VCAN: variants seen among roughly 807,000 people sequenced by gnomAD.
VCAN encodes versican.
A neutral mutation model predicts 245.5 loss-of-function variants in VCAN; 44 were observed. The observed-to-expected ratio is 0.18, with a 90% CI of 0.14 to 0.23. The LOEUF (loss-of-function observed/expected upper bound fraction) is 0.23, where lower values mean the gene tolerates loss of function less well. Ranked by LOEUF, VCAN falls within the 10% of genes least tolerant of loss-of-function variation. The pLI, the probability that VCAN is intolerant of heterozygous loss-of-function variation, is 1.00. For missense variants in VCAN, 3,793 were observed against 4,057.9 expected (o/e 0.93, Z 1.77); for synonymous variants, 1,413 against 1,437.0 (o/e 0.98, Z 0.38).
At chr5:83,545,504 T>G in intron 8 of VCAN, 33 bp from the exon 9 acceptor site, 1 of 1,577,290 alleles carries the variant, frequency 6.3e-7, no homozygotes, top group Non-Finnish European at 8.7e-7. Context: ...GAGACGAGCC[T>G]AACTGCTTTT....
intron 6 of VCAN, among the ~76,000 whole-genome samples, chr5:83,515,717 A>G (rs1745821199): frequency 1.3e-5 from 2 of 152,198 alleles, no homozygotes; most frequent in Non-Finnish European, 2.9e-5. Context: ...GGCTAAATTA[A>G]TTCCCACCAC....
chr5:83,573,344 C>T (rs898546338), intron 13 of VCAN, among the ~76,000 whole-genome samples: 21 of 151,916 alleles, frequency 1.4e-4, no homozygotes, highest in African/African-American at 3.6e-4. Context: ...TCAGATTTGT[C>T]GGTGGTTTGA....
rs887268097 is a variant in VCAN, at chr5:83,581,562, T to C, written c.*1128T>C. On this transcript the variant is annotated 3_prime_UTR_variant, in exon 15 of 15. Coordinates refer to ENST00000265077, the MANE Select transcript of VCAN (RefSeq NM_004385.5). Reference sequence around the variant, plus strand: ...TCACACAATTTGGAATCATATAATATAGGTACTTTGTCCCTGATTAAATAA... The same window carrying C: ...TCACACAATTTGGAATCATATAATACAGGTACTTTGTCCCTGATTAAATAA... 6.6e-6 allele frequency: 1 copy of C among 152,200 alleles called. No homozygotes were observed. Among genetic ancestry groups the C allele is most frequent in the African/African-American group, 2.4e-5 (1 of 41,462 alleles). 9.4% of individuals were successfully genotyped at this position (152,200 alleles called of 1,614,324 possible).
At chr5:83,527,124 G>A (rs1049988144) in intron 7 of VCAN, among the ~76,000 whole-genome samples, 1 of 152,166 alleles carries the variant, frequency 6.6e-6, no homozygotes, top group African/African-American at 2.4e-5. Context: ...AGCAAACTCT[G>A]GGAAGACTGG....
rs1187683737 is a variant in VCAN at position 83,521,849 on chromosome 5, C to T, written c.3543C>T (p.Gly1181=). ...EKTSLEDIDL[G]SGLFEKPKAT... ...CATCCCTAGAGGATATTGATTTAGG[C>T]TCAGGATTATTTGAAAAGCCCAAAG... Residue 1181 remains glycine (G), a synonymous_variant, in exon 7 of 15, where the codon GGC becomes GGT. Coordinates refer to ENST00000265077, the MANE Select transcript of VCAN (RefSeq NM_004385.5). 3.1e-6 allele frequency: 5 copies of T among 1,614,024 alleles called. No homozygotes were observed. In the African/African-American group the frequency reaches 6.7e-5, roughly 22 times the overall value.
intron 7 of VCAN, among the ~76,000 whole-genome samples, chr5:83,532,361 T>C (rs1388807277): frequency 6.6e-6 from 1 of 152,026 alleles, no homozygotes; most frequent in Non-Finnish European, 1.5e-5. Flanking sequence ...ATTTGGGTGA[T>C]AGGGCAGGGA....
chr5:83,493,097 T>C (rs1423839467), intron 3 of VCAN, among the ~76,000 whole-genome samples: 2 of 152,234 alleles, frequency 1.3e-5, no homozygotes, highest in African/African-American at 4.8e-5. Flanking sequence ...TGAATATTTT[T>C]ATGAGACAGG....
chr5:83,479,346 C>G (rs745467874), intron 1 of VCAN, among the ~76,000 whole-genome samples: 11 of 152,080 alleles, frequency 7.2e-5, no homozygotes, highest in Non-Finnish European at 4.4e-5. Flanking sequence ...TTGGCTTTCT[C>G]TCGGAGGCTG....
intron 7 of VCAN, among the ~76,000 whole-genome samples, chr5:83,526,943 A>T (rs1746322776): frequency 6.6e-6 from 1 of 152,224 alleles, no homozygotes; most frequent in Non-Finnish European, 1.5e-5. Context: ...GAAAGCAGAT[A>T]GTCAAACGAA....
chr5:83,475,719 A>G (rs777041030), intron 1 of VCAN, among the ~76,000 whole-genome samples: 2 of 152,206 alleles, frequency 1.3e-5, no homozygotes, highest in Non-Finnish European at 2.9e-5. Context: ...AAGGGTTCCA[A>G]TGGATTCCAA....
At position 83,581,337 on chromosome 5, in the gene VCAN, AAAAAAG is replaced by A. The variant is rs1748671297; in HGVS notation, c.*907_*912del. On this transcript the variant is annotated 3_prime_UTR_variant, in exon 15 of 15. Transcript: ENST00000265077. Reference sequence around the variant, plus strand: ...ACATGCAAAAAAAAAAAAAAAAAAAAAAAAAGAAATTTTGTATATATAACCATTTTA... The same window carrying A: ...ACATGCAAAAAAAAAAAAAAAAAAAAAAATTTTGTATATATAACCATTTTA... 6.7e-6 allele frequency: 1 copy of A among 148,710 alleles called. No individual in the cohort carries two copies. The allele number at this position is 148,710 out of a possible 1,614,324, so 9.2% of individuals were successfully genotyped here. A position where few individuals can be genotyped will look rare whatever the true frequency, so the allele number is the denominator to read the frequency against.
At chr5:83,527,155 G>A (rs1246988561) in intron 7 of VCAN, among the ~76,000 whole-genome samples, 1 of 152,170 alleles carries the variant, frequency 6.6e-6, no homozygotes, top group Admixed American at 6.5e-5. Flanking sequence ...GCATTCTAGT[G>A]GTTTGTTAAG....
At chr5:83,545,483 C>G in intron 8 of VCAN, 54 bp from the exon 9 acceptor site, 2 of 1,472,568 alleles carry the variant, frequency 1.4e-6, no homozygotes, top group South Asian at 1.1e-5. Context: ...CTAAAATACA[C>G]GCAAACATTA....
Position 83,545,781 on chromosome 5 carries a change from T to TA in VCAN, c.9379+135dup, listed in dbSNP as rs1485338000. 5 of 802,230 alleles carry TA rather than the reference T, an allele frequency of 6.2e-6. No homozygotes were observed. In the Admixed American group the frequency reaches 1.0e-4, roughly 16 times the overall value. The allele number at this position is 802,230 out of a possible 1,614,324, so 49.7% of individuals were successfully genotyped here. ...AGATTAATTATATGTTAAATGAAGT[T>TA]AAAATCTGAGGGTAATTAACTAGGG... On this transcript the variant is annotated intron_variant, in intron 9 of 14. Coordinates refer to ENST00000265077, the MANE Select transcript of VCAN (RefSeq NM_004385.5).
chr5:83,492,822 T>C (rs1170559916), intron 3 of VCAN, among the ~76,000 whole-genome samples: 1 of 152,240 alleles, frequency 6.6e-6, no homozygotes, highest in African/African-American at 2.4e-5. Flanking sequence ...AACATTTGAA[T>C]GGTACATGGT....
At position 83,519,449 on chromosome 5, in the gene VCAN, C is replaced by T. The variant is rs1287087430; in HGVS notation, c.1143C>T (p.Ile381=). Residue 381 remains isoleucine, a synonymous_variant, in exon 7 of 15, where the codon ATC becomes ATT. Transcript: ENST00000265077. Reference sequence around the variant, plus strand: ...TGGTTTCTGATAGAACTACACCAATCATCCCTTTAGTTGATGAATTACCTG... The same window carrying T: ...TGGTTTCTGATAGAACTACACCAATTATCCCTTTAGTTGATGAATTACCTG... ...PQMVSDRTTP[I]IPLVDELPVI... is the part of the protein sequence containing the mutation. 6.2e-7 allele frequency: 1 copy of T among 1,614,174 alleles called. No individual in the cohort carries two copies. Among genetic ancestry groups the T allele is most frequent in the East Asian group, 2.2e-5 (1 of 44,888 alleles).
Position 83,545,641 on chromosome 5 carries a change from T to G in VCAN, c.9370T>G (p.Cys3124Gly). The change falls in exon 9 of 15, where the codon TGT becomes GGT. Residue 3124 changes from cysteine to glycine, a missense_variant. Physicochemically the swap from Cys to Gly is radical, Grantham distance 159 (BLOSUM62 -3). This residue lies in a region of VCAN where 3,182 missense variants were observed against 3,250.3 expected (regional missense o/e 0.98). Transcript: ENST00000265077. ...TCVPGYSGDQ[C>G]ELDFDECHSN... ...TGTGCCAGGATACAGCGGAGACCAG[T>G]GTGAACTTGGTAAGATGGTACTTGG... 1.2e-6 allele frequency: 2 copies of G among 1,613,848 alleles called. No homozygotes were observed.
At chr5:83,531,105 T>C (rs1012105976) in intron 7 of VCAN, among the ~76,000 whole-genome samples, 7 of 152,088 alleles carry the variant, frequency 4.6e-5, no homozygotes, top group Non-Finnish European at 8.8e-5. Flanking sequence ...TATACAGCTT[T>C]TGCTTCTCCA....
chr5:83,506,942 C>T (rs1745499382), intron 5 of VCAN, among the ~76,000 whole-genome samples: 1 of 152,114 alleles, frequency 6.6e-6, no homozygotes, highest in South Asian at 2.1e-4. Flanking sequence ...ATGAGAATAG[C>T]ACGGGGAAGA....
Sources: allele counts gnomAD v4.1 joint callset (sites outside exome capture counted in the v4.1 genomes callset), GRCh38; gene constraint gnomAD v4.1.1; regional missense constraint gnomAD v4.1.1; transcripts MANE v1.5; gene names NCBI Gene and HGNC (gene_info 2026-07-23, HGNC 2026-07-21).